CTNNB1: variants seen among roughly 807,000 people sequenced by gnomAD.
CTNNB1 encodes catenin beta 1, also known as catenin beta-1.
A neutral mutation model predicts 82.5 loss-of-function variants in CTNNB1; 6 were observed. That is an observed-to-expected ratio of 0.07 (90% confidence interval 0.04 to 0.14). CTNNB1 has a LOEUF of 0.14. Among genes scored for constraint, CTNNB1 ranks in the 10% least tolerant of loss-of-function variants. The pLI is 1.00. For synonymous variants in CTNNB1, 312 were observed against 329.7 expected, an observed-to-expected ratio of 0.95 and a Z score of 0.58; for missense variants, 529 against 980.4, an observed-to-expected ratio of 0.54 and a Z score of 6.15.
chr3:41,234,455 G>A, intron 10 of CTNNB1, 158 bp downstream of exon 10: 1 of 776,104 alleles, frequency 1.3e-6, no homozygotes. Flanking sequence ...TTCTATGGCT[G>A]CAGAGAAAAT....
In CTNNB1 at chr3:41,199,685, C is replaced by G. The variant is rs1358940130; in HGVS notation, c.-49+15C>G. ...GTTCCCCTGAGGTGCTTGGGCGCTCCTTTCCTTATCCTTCCGGGGCTGCTC... is the reference window on the plus strand; with the variant it reads ...GTTCCCCTGAGGTGCTTGGGCGCTCGTTTCCTTATCCTTCCGGGGCTGCTC... On this transcript the variant is annotated intron_variant, in intron 1 of 14. Transcript: ENST00000349496. 2 of 152,072 alleles carry G rather than the reference C, an allele frequency of 1.3e-5. No homozygotes were observed. The highest frequency in any genetic ancestry group is 4.8e-5 in the African/African-American group (2 of 41,410). 9.4% of individuals were successfully genotyped at this position (152,072 alleles called of 1,614,324 possible).
intron 1 of CTNNB1, among the ~76,000 whole-genome samples, chr3:41,205,439 A>G (rs1277841636): frequency 2.0e-5 from 3 of 151,900 alleles, no homozygotes; most frequent in Non-Finnish European, 4.4e-5. Flanking sequence ...TGGTGCCTGT[A>G]GTACCAGCAC....
At chr3:41,223,304 G>A (rs1454214175) in intron 1 of CTNNB1, among the ~76,000 whole-genome samples, 2 of 151,654 alleles carry the variant, frequency 1.3e-5, no homozygotes, top group South Asian at 2.1e-4. Flanking sequence ...GGCAAAATAC[G>A]GACAAATTAG....
intron 7 of CTNNB1, among the ~76,000 whole-genome samples, chr3:41,229,543 T>G (rs977350912): frequency 6.6e-6 from 1 of 152,190 alleles, no homozygotes; most frequent in Non-Finnish European, 1.5e-5. Context: ...TTCTGACTTT[T>G]GTACATTGAT....
intron 7 of CTNNB1, among the ~76,000 whole-genome samples, chr3:41,229,574 C>A (rs976890372): frequency 1.3e-5 from 2 of 152,052 alleles, no homozygotes; most frequent in Non-Finnish European, 2.9e-5. Flanking sequence ...TGAAACTTTG[C>A]TGAAGTTTAT....
intron 1 of CTNNB1, among the ~76,000 whole-genome samples, chr3:41,208,248 A>T (rs1235142948): frequency 6.6e-6 from 1 of 152,156 alleles, no homozygotes; most frequent in Non-Finnish European, 1.5e-5. Flanking sequence ...TGTTTAGCTT[A>T]CTTTTTTTGT....
chr3:41,232,815 A>AC (rs1395267359), intron 7 of CTNNB1, among the ~76,000 whole-genome samples: 1 of 151,938 alleles, frequency 6.6e-6, no homozygotes, highest in Non-Finnish European at 1.5e-5. Flanking sequence ...CAGTGAGGTG[A>AC]CCTAATTATC....
chr3:41,214,475 A>C (rs1391457346), intron 1 of CTNNB1, among the ~76,000 whole-genome samples: 1 of 152,034 alleles, frequency 6.6e-6, no homozygotes, highest in Non-Finnish European at 1.5e-5. Flanking sequence ...TAATGGCCTG[A>C]AATGTTTTTC....
At position 41,225,470 on chromosome 3, in the gene CTNNB1, C is replaced by T. The variant is rs1208316016; in HGVS notation, c.632C>T (p.Ala211Val). 1 of 1,613,982 alleles carries T rather than the reference C, an allele frequency of 6.2e-7. No homozygotes were observed. The highest frequency in any genetic ancestry group is 8.5e-7 in the Non-Finnish European group (1 of 1,179,972). The change falls in exon 5 of 15, where the codon GCT becomes GTT. Residue 211 changes from alanine (A) to valine (V), a missense_variant. Physicochemically the swap from Ala to Val is moderately conservative, Grantham distance 64. Coordinates refer to ENST00000349496, the MANE Select transcript of CTNNB1 (RefSeq NM_001904.4). The surrounding 1 kb of genome is among the most constrained non-coding windows in gnomAD (Gnocchi z 5.3). Reference sequence around the variant, plus strand: ...CAGAATACAAATGATGTAGAAACAGCTCGTTGTACCGCTGGGACCTTGCAT... The same window carrying T: ...CAGAATACAAATGATGTAGAAACAGTTCGTTGTACCGCTGGGACCTTGCAT... ...TMQNTNDVET[A>V]RCTAGTLHNL...
At chr3:41,203,989 C>T (rs1026955700) in intron 1 of CTNNB1, among the ~76,000 whole-genome samples, 11 of 152,026 alleles carry the variant, frequency 7.2e-5, no homozygotes, top group African/African-American at 2.2e-4. Flanking sequence ...GAAAATGACA[C>T]TTACCAGTGA....
At chr3:41,227,431 G>A (rs2125628855) in intron 7 of CTNNB1, 79 bp downstream of exon 7, 1 of 1,483,500 alleles carries the variant, frequency 6.7e-7, no homozygotes, top group Non-Finnish European at 9.4e-7. Flanking sequence ...GGAAAAGGTG[G>A]TAGAACTTTA....
At chr3:41,211,044 T>G (rs1434358969) in intron 1 of CTNNB1, 4 of 456,564 alleles carry the variant, frequency 8.8e-6, no homozygotes, top group Non-Finnish European at 1.8e-5. Flanking sequence ...CCTCCCACTT[T>G]GGCCTCACAA....
In CTNNB1 at chr3:41,199,581, G is replaced by C. The variant is rs1399050623; in HGVS notation, c.-138G>C. ...CGAGGGGAGGCGGAGACGGAGGAAG[G>C]TCTGAGGAGCAGCTTCAGTCCCCGC... On this transcript the variant is annotated 5_prime_UTR_variant, in exon 1 of 15. Coordinates refer to ENST00000349496, the MANE Select transcript of CTNNB1 (RefSeq NM_001904.4). The C allele has an allele frequency of 6.5e-6, 1 of 153,080 alleles. No individual in the cohort carries two copies. The highest frequency in any genetic ancestry group is 1.5e-5 in the Non-Finnish European group (1 of 68,838). The allele number at this position is 153,080 out of a possible 1,614,324, so 9.5% of individuals were successfully genotyped here. A position where few individuals can be genotyped will look rare whatever the true frequency, so the allele number is the denominator to read the frequency against.
chr3:41,235,906 A>G, intron 11 of CTNNB1, 63 bp downstream of exon 11: 1 of 1,582,002 alleles, frequency 6.3e-7, no homozygotes, highest in Admixed American at 1.7e-5. Context: ...GTAATGACTA[A>G]TAACATTTCA....
intron 1 of CTNNB1, among the ~76,000 whole-genome samples, chr3:41,208,280 G>A (rs931951607): frequency 1.3e-4 from 20 of 152,228 alleles, no homozygotes; most frequent in African/African-American, 4.3e-4. Context: ...GATGAAGGAC[G>A]CAATATGTTG....
chr3:41,210,222 G>A (rs1037445068), intron 1 of CTNNB1, among the ~76,000 whole-genome samples: 12 of 152,170 alleles, frequency 7.9e-5, no homozygotes, highest in Non-Finnish European at 1.3e-4. Context: ...GGGAGGCTGA[G>A]GCAGGCGGAT....
chr3:41,236,074 CA>C, intron 11 of CTNNB1: 1 of 686,988 alleles, frequency 1.5e-6, no homozygotes, highest in Non-Finnish European at 2.4e-6. Flanking sequence ...CCTGGGCTGC[CA>C]GAGGCAGGGC....
Position 41,225,975 on chromosome 3 carries a change from AC to A in CTNNB1, c.936+115del. On this transcript the variant is annotated intron_variant, in intron 6 of 14. Coordinates refer to ENST00000349496, the MANE Select transcript of CTNNB1 (RefSeq NM_001904.4). This position sits in a 1 kb window ranked among gnomAD's most constrained non-coding sequence, Gnocchi z 5.3. Reference sequence around the variant, plus strand: ...GCACCAGGGACCAGTTTCGTGGAAAACAGTTTTTCCATGAATGGGTTGTGGG... The same window carrying A: ...GCACCAGGGACCAGTTTCGTGGAAAAAGTTTTTCCATGAATGGGTTGTGGG... The A allele has an allele frequency of 3.1e-6, 3 of 954,810 alleles. No individual in the cohort carries two copies. Among genetic ancestry groups the A allele is most frequent in the African/African-American group, 1.6e-5 (1 of 61,666 alleles). 59.1% of individuals were successfully genotyped at this position (954,810 alleles called of 1,614,324 possible).
intron 7 of CTNNB1, among the ~76,000 whole-genome samples, chr3:41,227,662 GAC>G (rs1184025379): frequency 6.6e-6 from 1 of 152,170 alleles, no homozygotes; most frequent in Non-Finnish European, 1.5e-5. Flanking sequence ...TAGGAGAAAA[GAC>G]AAATTCTAAT....
Sources: allele counts gnomAD v4.1 joint callset (sites outside exome capture counted in the v4.1 genomes callset), GRCh38; gene constraint gnomAD v4.1.1; non-coding constraint Gnocchi (gnomAD v3.1); transcripts MANE v1.5; gene names NCBI Gene and HGNC (gene_info 2026-07-23, HGNC 2026-07-21).